The following KIAA0319L variants were observed in gnomAD, a reference collection of about 807,000 sequenced individuals.
The protein encoded by KIAA0319L is KIAA0319 like, also known as dyslexia-associated protein KIAA0319-like protein.
In KIAA0319L, 55 loss-of-function variants were observed where a neutral mutation model predicts 120.1. The ratio of observed to expected loss-of-function variants is 0.46; its 90% CI spans 0.37 to 0.57. The LOEUF (loss-of-function observed/expected upper bound fraction) is 0.57, where lower values mean the gene tolerates loss of function less well. Ranked by LOEUF, KIAA0319L falls within the 20% of genes least tolerant of loss-of-function variation. KIAA0319L has a pLI of 0.00. For synonymous variants in KIAA0319L, 398 were observed against 471.9 expected, an observed-to-expected ratio of 0.84 and a Z score of 2.03; for missense variants, 1,049 against 1,255.3, an observed-to-expected ratio of 0.84 and a Z score of 2.48.
At chr1:35,488,377 A>T (rs1644464196) in intron 3 of KIAA0319L, among the ~76,000 whole-genome samples, 1 of 152,204 alleles carries the variant, frequency 6.6e-6, no homozygotes, top group Admixed American at 6.5e-5. Flanking sequence ...TTTGGGGAAG[A>T]GTCTGAGATG....
At chr1:35,444,093 G>A in intron 17 of KIAA0319L, 68 bp downstream of exon 17, 1 of 1,358,546 alleles carries the variant, frequency 7.4e-7, no homozygotes, top group East Asian at 2.5e-5. Context: ...GCCAAGGACA[G>A]AAAGGACCAA....
chr1:35,435,806 C>T (rs1027281376), intron 20 of KIAA0319L, among the ~76,000 whole-genome samples: 3 of 152,192 alleles, frequency 2.0e-5, no homozygotes, highest in African/African-American at 7.2e-5. Context: ...AGATGCCGAG[C>T]GGCCACAGAC....
chr1:35,496,776 T>C (rs891557532), intron 3 of KIAA0319L, among the ~76,000 whole-genome samples: 3 of 151,954 alleles, frequency 2.0e-5, no homozygotes, highest in Non-Finnish European at 4.4e-5. Flanking sequence ...AAAACCCGTC[T>C]CTACTTTAAA....
intron 20 of KIAA0319L, chr1:35,435,420 A>C: frequency 3.5e-5 from 7 of 202,724 alleles, no homozygotes; most frequent in Non-Finnish European, 5.9e-5. Flanking sequence ...ACCTCCCTCT[A>C]TGGGTGGAAT....
At chr1:35,551,942 C>T (rs1057332038) in intron 2 of KIAA0319L, among the ~76,000 whole-genome samples, 6 of 152,068 alleles carry the variant, frequency 3.9e-5, no homozygotes, top group Non-Finnish European at 8.8e-5. Context: ...CTGTGTTTAA[C>T]CAAGTGCTAG....
At chr1:35,440,819 G>A in intron 20 of KIAA0319L, 1 of 555,380 alleles carries the variant, frequency 1.8e-6, no homozygotes, top group Non-Finnish European at 3.2e-6. Context: ...AAAACAACAG[G>A]CCCAGCACCC....
intron 18 of KIAA0319L, 63 bp from the exon 19 acceptor site, chr1:35,442,399 G>A: frequency 7.8e-7 from 1 of 1,288,656 alleles, no homozygotes; most frequent in Non-Finnish European, 1.1e-6. Flanking sequence ...GGTCTGGGCT[G>A]CTCCCAGCTT....
At chr1:35,497,005 A>T (rs1312812546) in intron 3 of KIAA0319L, among the ~76,000 whole-genome samples, 1 of 151,930 alleles carries the variant, frequency 6.6e-6, no homozygotes, top group Non-Finnish European at 1.5e-5. Context: ...ATGAATGGAC[A>T]TAAAAACATT....
rs56318513 is a variant in KIAA0319L, at chr1:35,484,767, CATATATATATATATAT to C, written c.667-5571_667-5556del. 1.9e-3 allele frequency among the ~76,000 whole-genome samples: 97 copies of C among 51,520 alleles called. 1 individual carries two copies. Among genetic ancestry groups the C allele is most frequent in the African/African-American group, 6.6e-3 (92 of 14,006 alleles). 33.8% of individuals were successfully genotyped at this position (51,520 alleles called of 152,430 possible). A position where few individuals can be genotyped will look rare whatever the true frequency, so the allele number is the denominator to read the frequency against. On this transcript the variant is annotated intron_variant, in intron 3 of 20. Coordinates refer to ENST00000325722, the MANE Select transcript of KIAA0319L (RefSeq NM_024874.5). ...TTTGAACACGATTTAAGTTTTTAAT[CATATATATATATATAT>C]ATATATATATATATATATATATATT... is the stretch of plus-strand genomic sequence containing the variant.
intron 3 of KIAA0319L, among the ~76,000 whole-genome samples, chr1:35,494,914 C>T (rs891338576): frequency 2.6e-5 from 4 of 152,000 alleles, no homozygotes; most frequent in East Asian, 3.9e-4. Flanking sequence ...TATAAACATA[C>T]GCTTAACTGA....
chr1:35,436,083 C>T (rs1640767822), intron 20 of KIAA0319L, among the ~76,000 whole-genome samples: 1 of 152,190 alleles, frequency 6.6e-6, no homozygotes, highest in Admixed American at 6.5e-5. Flanking sequence ...GCACCACAAT[C>T]TCATCATCCA....
chr1:35,537,037 C>T (rs1646600483), intron 2 of KIAA0319L, among the ~76,000 whole-genome samples: 1 of 152,190 alleles, frequency 6.6e-6, no homozygotes, highest in African/African-American at 2.4e-5. Context: ...AAGGAGCCCA[C>T]ACCTCTCTAT....
intron 2 of KIAA0319L, among the ~76,000 whole-genome samples, chr1:35,536,674 C>G (rs1325761270): frequency 6.6e-6 from 1 of 152,190 alleles, no homozygotes; most frequent in Non-Finnish European, 1.5e-5. Flanking sequence ...TAATTGGATA[C>G]AGGTGCTATT....
At chr1:35,518,813 A>T (rs961108024) in intron 2 of KIAA0319L, among the ~76,000 whole-genome samples, 1 of 151,902 alleles carries the variant, frequency 6.6e-6, no homozygotes, top group African/African-American at 2.4e-5. Context: ...AGACCAGCCT[A>T]GCCAACATAG....
chr1:35,462,521 A>C, intron 8 of KIAA0319L, 100 bp downstream of exon 8: 1 of 965,090 alleles, frequency 1.0e-6, no homozygotes, highest in South Asian at 1.4e-5. Flanking sequence ...TGGCCTAAAC[A>C]GAACGCAGAC....
At chr1:35,529,027 T>C (rs970830243) in intron 2 of KIAA0319L, among the ~76,000 whole-genome samples, 6 of 152,168 alleles carry the variant, frequency 3.9e-5, no homozygotes, top group Non-Finnish European at 7.4e-5. Flanking sequence ...AGGCAGCATA[T>C]AGTTGGGTCA....
intron 3 of KIAA0319L, among the ~76,000 whole-genome samples, chr1:35,499,736 C>A (rs1283761203): frequency 6.7e-6 from 1 of 149,968 alleles, no homozygotes; most frequent in Non-Finnish European, 1.5e-5. Flanking sequence ...GTGTTGTGGT[C>A]CAAGAACTAA....
chr1:35,513,517 T>C (rs761222050), intron 2 of KIAA0319L, among the ~76,000 whole-genome samples: 6 of 151,878 alleles, frequency 4.0e-5, no homozygotes, highest in Non-Finnish European at 7.4e-5. Flanking sequence ...CTCAGGAGGC[T>C]GACGCAGTAG....
chr1:35,500,444 G>A (rs990437921), intron 3 of KIAA0319L, among the ~76,000 whole-genome samples: 10 of 152,128 alleles, frequency 6.6e-5, no homozygotes, highest in Non-Finnish European at 1.5e-4. Flanking sequence ...GTTGAGAAAC[G>A]GGAATATATT....
Sources: allele counts gnomAD v4.1 joint callset (sites outside exome capture counted in the v4.1 genomes callset), GRCh38; gene constraint gnomAD v4.1.1; transcripts MANE v1.5; gene names NCBI Gene and HGNC (gene_info 2026-07-23, HGNC 2026-07-21).